CA10: variants seen among roughly 807,000 people sequenced by gnomAD.
The protein encoded by CA10 is carbonic anhydrase 10 (inactive).
CA10 carries 14 observed loss-of-function variants against 44.2 expected under a neutral mutation model. The ratio of observed to expected loss-of-function variants is 0.32; its 90% CI spans 0.21 to 0.50. The LOEUF (loss-of-function observed/expected upper bound fraction) is 0.50. CA10 is among the 20% of genes least tolerant of loss of function. The pLI is 0.99. For missense variants in CA10, 350 were observed against 409.7 expected, an observed-to-expected ratio of 0.85 and a Z score of 1.26; for synonymous variants, 159 against 141.6, an observed-to-expected ratio of 1.12 and a Z score of -0.87.
chr17:52,091,035 G>T (rs990328314), intron 1 of CA10, among the ~76,000 whole-genome samples: 1 of 151,828 alleles, frequency 6.6e-6, no homozygotes, highest in South Asian at 2.1e-4. Context: ...CTCACACTAA[G>T]AAATATTAAA....
chr17:52,051,577 A>G (rs1206872766), intron 2 of CA10, among the ~76,000 whole-genome samples: 1 of 152,166 alleles, frequency 6.6e-6, no homozygotes, highest in Non-Finnish European at 1.5e-5. Flanking sequence ...TGCAAATCAA[A>G]ACCACAATGA....
intron 3 of CA10, among the ~76,000 whole-genome samples, chr17:51,791,790 G>A (rs1458029669): frequency 1.3e-5 from 2 of 152,160 alleles, no homozygotes; most frequent in African/African-American, 4.8e-5. Context: ...ACTATTCATA[G>A]AATTCTTTCT....
intron 4 of CA10, among the ~76,000 whole-genome samples, chr17:51,714,497 G>T (rs891092813): frequency 6.6e-6 from 1 of 152,162 alleles, no homozygotes; most frequent in African/African-American, 2.4e-5. Flanking sequence ...TCTTTGGGAG[G>T]TGGGCTGGGG....
intron 4 of CA10, among the ~76,000 whole-genome samples, chr17:51,718,349 A>G (rs1372072387): frequency 6.6e-6 from 1 of 152,212 alleles, no homozygotes; most frequent in Non-Finnish European, 1.5e-5. Flanking sequence ...CAGGAAGAAG[A>G]GAGAGGCCGA....
chr17:51,661,584 C>T (rs1385095478), intron 4 of CA10: 1 of 152,216 alleles, frequency 6.6e-6, no homozygotes, highest in African/African-American at 2.4e-5. Flanking sequence ...CCATAGTAAG[C>T]TACTATTGTT....
At chr17:52,139,327 T>C (rs1346491175) in intron 1 of CA10, among the ~76,000 whole-genome samples, 1 of 152,234 alleles carries the variant, frequency 6.6e-6, no homozygotes, top group East Asian at 1.9e-4. Context: ...GGATATCCAT[T>C]AGTTTAGAAA....
chr17:52,063,934 G>A (rs554228860), intron 2 of CA10, among the ~76,000 whole-genome samples: 1 of 152,320 alleles, frequency 6.6e-6, no homozygotes, highest in East Asian at 1.9e-4. Flanking sequence ...TCCTTGAGTA[G>A]ACTGCCATTT....
intron 1 of CA10, among the ~76,000 whole-genome samples, chr17:52,154,604 G>A (rs1444985211): frequency 6.6e-6 from 1 of 152,010 alleles, no homozygotes; most frequent in Non-Finnish European, 1.5e-5. Flanking sequence ...AATCATTCTG[G>A]TTCTCTCTCT....
intron 1 of CA10, among the ~76,000 whole-genome samples, chr17:52,097,340 T>C (rs1988428601): frequency 6.6e-6 from 1 of 152,212 alleles, no homozygotes; most frequent in Non-Finnish European, 1.5e-5. Context: ...AACAAATTTT[T>C]CATACATTTA....
chr17:51,654,730 G>T (rs1233122358), intron 4 of CA10, among the ~76,000 whole-genome samples: 3 of 151,988 alleles, frequency 2.0e-5, no homozygotes, highest in African/African-American at 7.2e-5. Flanking sequence ...CTAATTTTTT[G>T]TATTTTTAGT....
intron 4 of CA10, among the ~76,000 whole-genome samples, chr17:51,685,697 G>C (rs968983395): frequency 6.6e-6 from 1 of 152,164 alleles, no homozygotes; most frequent in Non-Finnish European, 1.5e-5. Context: ...GAATTGGTTT[G>C]CATTACACTG....
intron 2 of CA10, among the ~76,000 whole-genome samples, chr17:52,032,287 T>C: frequency 6.6e-6 from 1 of 152,216 alleles, no homozygotes; most frequent in South Asian, 2.1e-4. Flanking sequence ...ATCACTTTAT[T>C]ATTATTATTA....
At chr17:51,831,181 T>G (rs1908226290) in intron 3 of CA10, among the ~76,000 whole-genome samples, 1 of 152,336 alleles carries the variant, frequency 6.6e-6, no homozygotes. Context: ...ATGGTAATGC[T>G]TGCATTGAAA....
At chr17:51,806,116 G>A (rs975094909) in intron 3 of CA10, among the ~76,000 whole-genome samples, 1 of 152,214 alleles carries the variant, frequency 6.6e-6, no homozygotes, top group Non-Finnish European at 1.5e-5. Context: ...ATGGTGAGGA[G>A]CTTGAGTTTT....
At chr17:51,824,661 A>G (rs1907940712) in intron 3 of CA10, among the ~76,000 whole-genome samples, 1 of 152,016 alleles carries the variant, frequency 6.6e-6, no homozygotes, top group African/African-American at 2.4e-5. Context: ...TAACACCCTG[A>G]CCCCAGCCCT....
chr17:52,149,465 TAATA>T (rs1989658093), intron 1 of CA10, among the ~76,000 whole-genome samples: 1 of 152,218 alleles, frequency 6.6e-6, no homozygotes, highest in African/African-American at 2.4e-5. Flanking sequence ...CCAATCTTGC[TAATA>T]AACAGCAATT....
chr17:51,738,813 T>A (rs1484659928), intron 4 of CA10, among the ~76,000 whole-genome samples: 1 of 152,138 alleles, frequency 6.6e-6, no homozygotes, highest in Non-Finnish European at 1.5e-5. Flanking sequence ...CCTAAGAAGG[T>A]TTTTTGAATC....
intron 1 of CA10, among the ~76,000 whole-genome samples, chr17:52,074,708 A>G (rs1482911266): frequency 6.6e-6 from 1 of 152,134 alleles, no homozygotes; most frequent in Non-Finnish European, 1.5e-5. Flanking sequence ...TGCTTTAACT[A>G]TAAATAAAAG....
chr17:52,005,676 C>T (rs1039519234), intron 2 of CA10, among the ~76,000 whole-genome samples: 6 of 151,920 alleles, frequency 3.9e-5, no homozygotes, highest in African/African-American at 1.4e-4. Context: ...GGGGTTTTGT[C>T]TGCTATGTTG....
Sources: gnomAD v4.1 joint callset for allele counts (sites outside exome capture counted in the v4.1 genomes callset) on GRCh38, gnomAD v4.1.1 for gene constraint, MANE v1.5 for transcripts, NCBI Gene and HGNC (gene_info 2026-07-23, HGNC 2026-07-21) for gene names.